COL7A1: variants seen among roughly 807,000 people sequenced by gnomAD.
The protein encoded by COL7A1 is collagen type VII alpha 1 chain.
A neutral mutation model predicts 456.2 loss-of-function variants in COL7A1; 296 were observed. That is an observed-to-expected ratio of 0.65 (90% CI 0.59 to 0.71). COL7A1 has a LOEUF of 0.71. Among genes scored for constraint, COL7A1 ranks in the 30% least tolerant of loss-of-function variants. The pLI is 0.00. For synonymous variants in COL7A1, 1,464 were observed against 1,525.9 expected (o/e 0.96, Z 0.95); for missense variants, 3,441 against 4,017.2 (o/e 0.86, Z 3.88).
chr3:48,582,003 T>A, intron 47 of COL7A1, 60 bp from the exon 48 acceptor site: 1 of 1,609,206 alleles, frequency 6.2e-7, no homozygotes, highest in Middle Eastern at 1.7e-4. Context: ...GATCAAAGTC[T>A]TCATTGGAAT....
chr3:48,576,483 G>GC (rs769470125), intron 69 of COL7A1, 39 bp downstream of exon 69: 2 of 1,612,408 alleles, frequency 1.2e-6, no homozygotes. Context: ...AGCCTGGTCA[G>GC]CCCCCTCACC....
At position 48,568,509 on chromosome 3, in the gene COL7A1, G is replaced by C; in HGVS notation, c.7784C>G (p.Pro2595Arg). Residue 2595 changes from proline (P) to arginine (R), a missense_variant, in exon 105 of 119, where the codon CCT (proline) becomes CGT (arginine). By Grantham distance (103) the Pro-to-Arg change is moderately radical. Coordinates refer to ENST00000681320, the MANE Select transcript of COL7A1 (RefSeq NM_000094.4). The surrounding 1 kb of genome is among the most constrained non-coding windows in gnomAD (Gnocchi z 5.2). ...PQGQPGAAGI[P>R]GDPGSPGKDG... ...GCAGGGGCATCTTACCGGGTCACCA[G>C]GGATCCCTGCTGCACCAGGTTGACC... The C allele has an allele frequency of 6.2e-7, 1 of 1,607,060 alleles. No homozygotes were observed. The highest frequency in any genetic ancestry group is 1.1e-5 in the South Asian group (1 of 90,772).
chr3:48,574,364 C>T lies in COL7A1; in HGVS notation c.6457-58G>A. 6.2e-7 allele frequency: 1 copy of T among 1,613,634 alleles called. No homozygotes were observed. The highest frequency in any genetic ancestry group is 8.5e-7 in the Non-Finnish European group (1 of 1,179,578). On this transcript the variant is annotated intron_variant, in intron 79 of 118. Transcript: ENST00000681320. The surrounding 1 kb of genome is among the most constrained non-coding windows in gnomAD (Gnocchi z 5.0). The stretch of plus-strand genomic sequence containing the variant: ...CAGTTCCAACTTCCCCTCCACCCAC[C>T]ATCCCCCTAGACAGAGTCAGGACCC...
Position 48,591,888 on chromosome 3 carries a change from C to G in COL7A1, c.1357+10G>C. 6.2e-7 allele frequency: 1 copy of G among 1,614,184 alleles called. No individual in the cohort carries two copies. The highest frequency in any genetic ancestry group is 8.5e-7 in the Non-Finnish European group (1 of 1,180,030). ...GACCCTTGCCTGTCCATCCCTTCCC[C>G]CGCACTGACCAGTCTCACGCCGCCA... On this transcript the variant is annotated intron_variant, in intron 11 of 118. Transcript: ENST00000681320. This position sits in a 1 kb window ranked among gnomAD's most constrained non-coding sequence, Gnocchi z 7.0.
intron 44 of COL7A1, 134 bp from the exon 45 acceptor site, chr3:48,582,787 G>T: frequency 8.6e-7 from 1 of 1,164,216 alleles, no homozygotes; most frequent in Non-Finnish European, 1.3e-6. Flanking sequence ...GGTAAGACTT[G>T]GCAGGAGAAC....
Position 48,588,513 on chromosome 3 carries a change from C to CTCCTCT in COL7A1, c.2588-115_2588-110dup. On this transcript the variant is annotated intron_variant, in intron 20 of 118. Transcript: ENST00000681320. The surrounding 1 kb of genome is among the most constrained non-coding windows in gnomAD (Gnocchi z 4.6). ...CGCCCAGCCTCTCAGACCCCTCTCC[C>CTCCTCT]TCCTCTCAGACCCTGCCCCCAAAGG... The CTCCTCT allele has an allele frequency of 1.3e-6, 2 of 1,599,714 alleles. No individual in the cohort carries two copies. The highest frequency in any genetic ancestry group is 1.7e-6 in the Non-Finnish European group (2 of 1,174,610).
Position 48,570,828 on chromosome 3 carries a change from C to G in COL7A1, c.7272+33G>C. The G allele has an allele frequency of 6.3e-7, 1 of 1,587,706 alleles. No homozygotes were observed. The highest frequency in any genetic ancestry group is 8.6e-7 in the Non-Finnish European group (1 of 1,166,942). On this transcript the variant is annotated intron_variant, in intron 95 of 118. Transcript: ENST00000681320. The surrounding 1 kb of genome is among the most constrained non-coding windows in gnomAD (Gnocchi z 5.5). Reference sequence around the variant, plus strand: ...CCCCTCCTCACCCACCATGGATTCACCATGCCCCTACATGCTGTTCCCAGC... The same window carrying G: ...CCCCTCCTCACCCACCATGGATTCAGCATGCCCCTACATGCTGTTCCCAGC...
In COL7A1 at chr3:48,574,764, G is replaced by A. The variant is rs1443638403; in HGVS notation, c.6348+33C>T. ...CAAGTCAGTCCCTAGTGCCATGGCA[G>A]AGGGTGGCCCCGAGCTGATTCCACA... On this transcript the variant is annotated intron_variant, in intron 77 of 118. Transcript: ENST00000681320. The surrounding 1 kb of genome is among the most constrained non-coding windows in gnomAD (Gnocchi z 5.0). 3 of 1,613,886 alleles carry A rather than the reference G, an allele frequency of 1.9e-6. No homozygotes were observed. The highest frequency in any genetic ancestry group is 2.5e-6 in the Non-Finnish European group (3 of 1,180,024).
At chr3:48,595,026 G>C in intron 2 of COL7A1, 49 bp downstream of exon 2, 1 of 1,422,142 alleles carries the variant, frequency 7.0e-7, no homozygotes, top group Non-Finnish European at 9.6e-7. Context: ...TGGAGCGGAG[G>C]GTGGCACGGT....
Position 48,594,991 on chromosome 3 carries a change from G to C in COL7A1, c.85+84C>G. 8.9e-7 allele frequency: 1 copy of C among 1,118,264 alleles called. No homozygotes were observed. The highest frequency in any genetic ancestry group is 1.3e-6 in the Non-Finnish European group (1 of 769,482). The allele number at this position is 1,118,264 out of a possible 1,614,324, so 69.3% of individuals were successfully genotyped here. A position where few individuals can be genotyped will look rare whatever the true frequency, so the allele number is the denominator to read the frequency against. ...CGTGGAGTTGGCTGGGTTGTGGGCG[G>C]GGGGTGTTGGGGATGAAGGCCGAGT... On this transcript the variant is annotated intron_variant, in intron 2 of 118. Coordinates refer to ENST00000681320, the MANE Select transcript of COL7A1 (RefSeq NM_000094.4). The surrounding 1 kb of genome is among the most constrained non-coding windows in gnomAD (Gnocchi z 5.5).
chr3:48,585,423 G>A lies in COL7A1; in HGVS notation c.3894+134C>T. 22 of 1,073,324 alleles carry A rather than the reference G, an allele frequency of 2.0e-5. 1 individual carries two copies. The South Asian group carries it at 2.8e-4, about 14-fold the overall frequency. The allele number at this position is 1,073,324 out of a possible 1,614,324, so 66.5% of individuals were successfully genotyped here. On this transcript the variant is annotated intron_variant, in intron 32 of 118. Coordinates refer to ENST00000681320, the MANE Select transcript of COL7A1 (RefSeq NM_000094.4). The surrounding 1 kb of genome is among the most constrained non-coding windows in gnomAD (Gnocchi z 4.5). Reference sequence around the variant, plus strand: ...CAGAGTGTCCCCCAAAGTCTCTGTGGTGGTTTATAACCTCCAGCTGGGCTT... The same window carrying A: ...CAGAGTGTCCCCCAAAGTCTCTGTGATGGTTTATAACCTCCAGCTGGGCTT...
chr3:48,575,035 C>T lies in COL7A1; in HGVS notation c.6279+29G>A. 1.9e-6 allele frequency: 3 copies of T among 1,607,822 alleles called. No homozygotes were observed. Among genetic ancestry groups the T allele is most frequent in the Non-Finnish European group, 2.6e-6 (3 of 1,174,598 alleles). On this transcript the variant is annotated intron_variant, in intron 76 of 118. Transcript: ENST00000681320. This position sits in a 1 kb window ranked among gnomAD's most constrained non-coding sequence, Gnocchi z 6.3. ...AGGGTGGCTTCCTGGTCACTAGTCA[C>T]AGGACTAAGGCAGGGATGGGGTGAT...
In COL7A1 at chr3:48,571,433, A is replaced by G. The variant is rs2043911470; in HGVS notation, c.7069-155T>C. ...AGAATTGGCTCACAGGAGCTCAGACATGACCATGGCCTATCTCAGGACAGC... is the reference window on the plus strand; with the variant it reads ...AGAATTGGCTCACAGGAGCTCAGACGTGACCATGGCCTATCTCAGGACAGC... On this transcript the variant is annotated intron_variant, in intron 92 of 118. Coordinates refer to ENST00000681320, the MANE Select transcript of COL7A1 (RefSeq NM_000094.4). The surrounding 1 kb of genome is among the most constrained non-coding windows in gnomAD (Gnocchi z 4.6). The G allele has an allele frequency of 1.1e-6, 1 of 879,672 alleles. No individual in the cohort carries two copies. Among genetic ancestry groups the G allele is most frequent in the South Asian group, 1.4e-5 (1 of 70,254 alleles). 54.5% of individuals were successfully genotyped at this position (879,672 alleles called of 1,614,324 possible).
In COL7A1 at chr3:48,573,038, C is replaced by G; in HGVS notation, c.6733G>C (p.Gly2245Arg). The G allele has an allele frequency of 6.2e-7, 1 of 1,614,134 alleles. No individual in the cohort carries two copies. The change falls in exon 86 of 119, where the codon GGT becomes CGT. Residue 2245 changes from glycine (G) to arginine (R), a missense_variant. Around this residue, in one of 3 missense-constraint regions of COL7A1, gnomAD observed 2,084 missense variants for 2,501.3 expected, o/e 0.83. Coordinates refer to ENST00000681320, the MANE Select transcript of COL7A1 (RefSeq NM_000094.4). The surrounding 1 kb of genome is among the most constrained non-coding windows in gnomAD (Gnocchi z 5.5). The part of the protein sequence containing the change: ...SGLVGPQGSP[G>R]LPGQVGETGK... ...GAACTCACCACTTGTCCAGGCAAAC[C>G]TGGAGACCCCTGTGGACCCTGACGG...
rs1436309278 is a variant in COL7A1, at chr3:48,586,106, T to C, written c.3691A>G (p.Thr1231Ala). ...SLDQAVSGLA[T>A]ALCQASFTTQ... Reference sequence around the variant, plus strand: ...GTGAAGGATGCCTGACACAGGGCTGTGGCCAGACCACTGACTGCCTGGTCC... The same window carrying C: ...GTGAAGGATGCCTGACACAGGGCTGCGGCCAGACCACTGACTGCCTGGTCC... The change falls in exon 28 of 119, where the codon ACA becomes GCA. Residue 1231 changes from threonine to alanine, a missense_variant. Thr to Ala is a moderately conservative substitution (Grantham distance 58, BLOSUM62 0). Around this residue, in one of 3 missense-constraint regions of COL7A1, gnomAD observed 2,084 missense variants for 2,501.3 expected, o/e 0.83. Coordinates refer to ENST00000681320, the MANE Select transcript of COL7A1 (RefSeq NM_000094.4). The surrounding 1 kb of genome is among the most constrained non-coding windows in gnomAD (Gnocchi z 5.1). The C allele has an allele frequency of 1.2e-6, 2 of 1,613,542 alleles. No individual in the cohort carries two copies. The highest frequency in any genetic ancestry group is 2.2e-5 in the East Asian group (1 of 44,888).
chr3:48,576,778 A>T lies in COL7A1; in HGVS notation c.5605-7T>A. The T allele has an allele frequency of 6.2e-7, 1 of 1,613,750 alleles. No individual in the cohort carries two copies. The highest frequency in any genetic ancestry group is 8.5e-7 in the Non-Finnish European group (1 of 1,179,888). ...CCTTGGGGCCATCACGACCCTGTGA[A>T]GGATGCAGCCAGCATCAGCACCCTG... On this transcript the variant is annotated splice_polypyrimidine_tract_variant and splice_region_variant and intron_variant, in intron 67 of 118. Transcript: ENST00000681320.
Position 48,583,104 on chromosome 3 carries a change from G to A in COL7A1, c.4482+23C>T. 1 of 1,613,986 alleles carries A rather than the reference G, an allele frequency of 6.2e-7. No homozygotes were observed. On this transcript the variant is annotated intron_variant, in intron 43 of 118. Coordinates refer to ENST00000681320, the MANE Select transcript of COL7A1 (RefSeq NM_000094.4). This position sits in a 1 kb window ranked among gnomAD's most constrained non-coding sequence, Gnocchi z 5.1. ...TGGGCCCAGATCCTCCAGGGCCCTT[G>A]GCACCCCCCAGGTTGCACTTACCTT...
Position 48,583,841 on chromosome 3 carries a change from C to A in COL7A1, c.4278+59G>T, listed in dbSNP as rs2044981258. 1 of 1,613,016 alleles carries A rather than the reference C, an allele frequency of 6.2e-7. No individual in the cohort carries two copies. The highest frequency in any genetic ancestry group is 8.5e-7 in the Non-Finnish European group (1 of 1,179,344). On this transcript the variant is annotated intron_variant, in intron 39 of 118. Coordinates refer to ENST00000681320, the MANE Select transcript of COL7A1 (RefSeq NM_000094.4). The surrounding 1 kb of genome is among the most constrained non-coding windows in gnomAD (Gnocchi z 5.1). ...TATGAAGCCCAGCACCCAACCACTG[C>A]CCCAGGAGAGACCCACACCCCTGAG...
Position 48,593,700 on chromosome 3 carries a change from T to C in COL7A1, c.267-4A>G, listed in dbSNP as rs1253389568. On this transcript the variant is annotated splice_polypyrimidine_tract_variant and splice_region_variant and intron_variant, in intron 3 of 118. Coordinates refer to ENST00000681320, the MANE Select transcript of COL7A1 (RefSeq NM_000094.4). The surrounding 1 kb of genome is among the most constrained non-coding windows in gnomAD (Gnocchi z 4.4). Reference sequence around the variant, plus strand: ...TGCATCCAGGCCGAACTCTGTCCTGTTGGAGGGTAGGGGTGGCAACAGGCT... The same window carrying C: ...TGCATCCAGGCCGAACTCTGTCCTGCTGGAGGGTAGGGGTGGCAACAGGCT... 1.2e-6 allele frequency: 2 copies of C among 1,613,972 alleles called. No individual in the cohort carries two copies. The highest frequency in any genetic ancestry group is 1.7e-6 in the Non-Finnish European group (2 of 1,179,994).
Sources: gnomAD v4.1 joint callset for allele counts on GRCh38, gnomAD v4.1.1 for gene constraint, gnomAD v4.1.1 regional missense constraint, Gnocchi (gnomAD v3.1) non-coding constraint, MANE v1.5 for transcripts, NCBI Gene and HGNC (gene_info 2026-07-23, HGNC 2026-07-21) for gene names.